TRPC7: variants seen among roughly 807,000 people sequenced by gnomAD.
The protein encoded by TRPC7 is transient receptor potential cation channel subfamily C member 7.
In TRPC7, 42 loss-of-function variants were observed where a neutral mutation model predicts 90.1. That is an observed-to-expected ratio of 0.47 (90% CI 0.36 to 0.60). The LOEUF is 0.60. TRPC7 is among the 20% of genes least tolerant of loss of function. TRPC7 has a pLI of 0.00. For missense variants in TRPC7, 955 were observed against 1,112.3 expected (o/e 0.86, Z 2.01); for synonymous variants, 451 against 436.3 (o/e 1.03, Z -0.42).
intron 2 of TRPC7, among the ~76,000 whole-genome samples, chr5:136,350,696 C>A (rs1566404): frequency 0.1 from 15,577 of 152,146 alleles, 851 homozygotes; most frequent in Non-Finnish European, 0.13. Context: ...GTATGGGGTC[C>A]TGTGTCCAGA....
At chr5:136,350,603 A>G (rs1760163141) in intron 2 of TRPC7, among the ~76,000 whole-genome samples, 1 of 152,208 alleles carries the variant, frequency 6.6e-6, no homozygotes, top group East Asian at 1.9e-4. Flanking sequence ...AGGCAGAAAA[A>G]TAGAAAAAAA....
chr5:136,337,397 G>A (rs1466232411), intron 2 of TRPC7, among the ~76,000 whole-genome samples: 1 of 152,178 alleles, frequency 6.6e-6, no homozygotes, highest in East Asian at 1.9e-4. Flanking sequence ...GCCAGGCGTG[G>A]TGGCTCACGC....
intron 1 of TRPC7, among the ~76,000 whole-genome samples, chr5:136,361,790 TTC>T (rs1317240606): frequency 1.3e-5 from 2 of 152,152 alleles, no homozygotes; most frequent in African/African-American, 4.8e-5. Flanking sequence ...TCTGTGCATC[TTC>T]TCCCAAGAGT....
intron 3 of TRPC7, among the ~76,000 whole-genome samples, chr5:136,300,469 C>T (rs1417259240): frequency 6.6e-6 from 1 of 152,230 alleles, no homozygotes; most frequent in African/African-American, 2.4e-5. Context: ...CTACTCGCCT[C>T]TCTGCTTCAT....
chr5:136,338,431 A>G (rs910230314), intron 2 of TRPC7, among the ~76,000 whole-genome samples: 8 of 152,234 alleles, frequency 5.3e-5, no homozygotes, highest in African/African-American at 1.4e-4. Context: ...GTTCTTGACC[A>G]TATAGGGAGT....
chr5:136,276,819 C>A (rs138108407), intron 3 of TRPC7, among the ~76,000 whole-genome samples: 106 of 152,308 alleles, frequency 7.0e-4, no homozygotes, highest in South Asian at 1.2e-3. Context: ...GAAAGTCATG[C>A]AGACATTTCT....
intron 7 of TRPC7, among the ~76,000 whole-genome samples, chr5:136,239,542 G>C (rs1320742745): frequency 6.6e-6 from 1 of 152,190 alleles, no homozygotes; most frequent in Non-Finnish European, 1.5e-5. Context: ...GGTGCCTCAG[G>C]GTGACCTCTC....
At chr5:136,262,189 C>T (rs1183010104) in intron 5 of TRPC7, among the ~76,000 whole-genome samples, 2 of 152,218 alleles carry the variant, frequency 1.3e-5, no homozygotes, top group Non-Finnish European at 2.9e-5. Context: ...ATCATCTATT[C>T]TCTACATAGC....
chr5:136,319,102 C>T lies in TRPC7; in HGVS notation c.781-3323G>A, dbSNP rs1759113796. Among the ~76,000 whole-genome samples the T allele has an allele frequency of 2.0e-5, 3 of 152,186 alleles. No homozygotes were observed. In the South Asian group the frequency reaches 6.2e-4, roughly 32 times the overall value. On this transcript the variant is annotated intron_variant, in intron 2 of 11. Coordinates refer to ENST00000513104, the MANE Select transcript of TRPC7 (RefSeq NM_020389.3). Reference sequence around the variant, plus strand: ...ATCCTTAGTGCTCTTGGGCAGTTTACTCTCCTACTCTCCTAAATAGTCATT... The same window carrying T: ...ATCCTTAGTGCTCTTGGGCAGTTTATTCTCCTACTCTCCTAAATAGTCATT...
intron 6 of TRPC7, among the ~76,000 whole-genome samples, chr5:136,250,827 C>T (rs943465083): frequency 4.6e-5 from 7 of 152,088 alleles, no homozygotes; most frequent in African/African-American, 1.7e-4. Context: ...GAATCCAGGT[C>T]TCTTCTACTC....
chr5:136,251,748 G>T lies in TRPC7; in HGVS notation c.1480C>A (p.Leu494Met), dbSNP rs1756525650. 1 of 1,613,778 alleles carries T rather than the reference G, an allele frequency of 6.2e-7. No individual in the cohort carries two copies. The highest frequency in any genetic ancestry group is 1.7e-5 in the Admixed American group (1 of 60,002). Residue 494 changes from leucine to methionine, a missense_variant, in exon 6 of 12, where the codon CTG becomes ATG. Leu to Met is a conservative substitution (Grantham distance 15). Around this residue, in one of 4 missense-constraint regions of TRPC7, gnomAD observed 484 missense variants for 509.6 expected, o/e 0.95. Transcript: ENST00000513104. The part of the protein sequence containing the change: ...ASFTARFMAF[L>M]KATEAQLYVD... ...TACAGCTGTGCCTCCGTGGCCTTCAGGAAGGCCATGAAGCGTGCTGTGAAG... is the reference window on the plus strand; with the variant it reads ...TACAGCTGTGCCTCCGTGGCCTTCATGAAGGCCATGAAGCGTGCTGTGAAG...
chr5:136,333,982 G>C (rs1448137167), intron 2 of TRPC7, among the ~76,000 whole-genome samples: 1 of 152,112 alleles, frequency 6.6e-6, no homozygotes, highest in Admixed American at 6.5e-5. Flanking sequence ...ATGTTGGAGA[G>C]GGATACCCAC....
chr5:136,225,413 A>C, intron 9 of TRPC7, 59 bp from the exon 10 acceptor site: 1 of 1,500,626 alleles, frequency 6.7e-7, no homozygotes. Flanking sequence ...GCATCCCTAC[A>C]TATCTCGTAG....
At chr5:136,327,140 T>G (rs1035697401) in intron 2 of TRPC7, among the ~76,000 whole-genome samples, 3 of 152,158 alleles carry the variant, frequency 2.0e-5, no homozygotes, top group Admixed American at 1.3e-4. Context: ...GCCAGCGTGT[T>G]GGAATGATGA....
intron 2 of TRPC7, among the ~76,000 whole-genome samples, chr5:136,316,306 C>T (rs1237511126): frequency 6.6e-6 from 1 of 152,108 alleles, no homozygotes; most frequent in East Asian, 1.9e-4. Context: ...TTGGTGACTG[C>T]TGCACACAGG....
Position 136,363,488 on chromosome 5 carries a change from A to T in TRPC7, c.2+1765T>A, listed in dbSNP as rs867459182. 5.5e-4 allele frequency among the ~76,000 whole-genome samples: 84 copies of T among 152,308 alleles called. No individual in the cohort carries two copies. In the Middle Eastern group the frequency reaches 0.017, roughly 31 times the overall value. On this transcript the variant is annotated intron_variant, in intron 1 of 11. Transcript: ENST00000513104. Reference sequence around the variant, plus strand: ...TATATACTTTAAATAAAAGAAAAAAAAGATATATACCTAACTACCCCAAGG... The same window carrying T: ...TATATACTTTAAATAAAAGAAAAAATAGATATATACCTAACTACCCCAAGG...
chr5:136,283,684 T>A (rs946515929), intron 3 of TRPC7, among the ~76,000 whole-genome samples: 1 of 152,210 alleles, frequency 6.6e-6, no homozygotes, highest in African/African-American at 2.4e-5. Flanking sequence ...GACCACCTCA[T>A]ACTGAGCTTA....
chr5:136,304,897 T>C (rs928872897), intron 3 of TRPC7, among the ~76,000 whole-genome samples: 3 of 152,244 alleles, frequency 2.0e-5, no homozygotes, highest in African/African-American at 7.2e-5. Flanking sequence ...CCGTACCCTG[T>C]AGCCTTTCTG....
chr5:136,306,790 T>G (rs978282438), intron 3 of TRPC7, among the ~76,000 whole-genome samples: 1 of 152,052 alleles, frequency 6.6e-6, no homozygotes, highest in Non-Finnish European at 1.5e-5. Context: ...CCTTAAGAAG[T>G]TTCTTTGTAA....
Sources: allele counts gnomAD v4.1 joint callset (sites outside exome capture counted in the v4.1 genomes callset), GRCh38; gene constraint gnomAD v4.1.1; regional missense constraint gnomAD v4.1.1; transcripts MANE v1.5; gene names NCBI Gene and HGNC (gene_info 2026-07-23, HGNC 2026-07-21).